The following ARHGEF28 variants were observed in gnomAD, a reference collection of about 807,000 sequenced individuals.
ARHGEF28 encodes Rho guanine nucleotide exchange factor 28.
A neutral mutation model predicts 206.6 loss-of-function variants in ARHGEF28; 152 were observed. The ratio of observed to expected loss-of-function variants is 0.74; its 90% confidence interval spans 0.64 to 0.84. The LOEUF (loss-of-function observed/expected upper bound fraction) is 0.84. ARHGEF28 is among the 40% of genes least tolerant of loss of function. The pLI is 0.00. For missense variants in ARHGEF28, 2,028 were observed against 2,073.2 expected (o/e 0.98, Z 0.42); for synonymous variants, 763 against 776.4 (o/e 0.98, Z 0.29).
chr5:73,885,791 C>G lies in ARHGEF28; in HGVS notation c.3056-59C>G, dbSNP rs1761243525. 3.4e-6 allele frequency: 5 copies of G among 1,484,154 alleles called. No individual in the cohort carries two copies. In the Admixed American group the frequency reaches 1.2e-4, roughly 34 times the overall value. 91.9% of individuals were successfully genotyped at this position (1,484,154 alleles called of 1,614,324 possible). A position where few individuals can be genotyped will look rare whatever the true frequency, so the allele number is the denominator to read the frequency against. ...TAAAACTAAAGAAGAAGTTTTCTTC[C>G]TTAGTACTCTGGTTTATTGTATAGT... On this transcript the variant is annotated intron_variant, in intron 24 of 35. Coordinates refer to ENST00000513042, the MANE Select transcript of ARHGEF28 (RefSeq NM_001177693.2).
intron 9 of ARHGEF28, among the ~76,000 whole-genome samples, chr5:73,810,463 A>G (rs1315313983): frequency 6.6e-6 from 1 of 152,094 alleles, no homozygotes; most frequent in Non-Finnish European, 1.5e-5. Context: ...AGTTTTTTTC[A>G]TCTCTCTCTT....
intron 34 of ARHGEF28, 53 bp downstream of exon 34, chr5:73,909,950 C>G: frequency 2.7e-6 from 4 of 1,464,752 alleles, no homozygotes; most frequent in Admixed American, 2.5e-5. Context: ...AGGGGTGGGC[C>G]TGGGGGCTCC....
intron 28 of ARHGEF28, among the ~76,000 whole-genome samples, chr5:73,893,645 A>T (rs889207446): frequency 2.6e-5 from 4 of 152,232 alleles, no homozygotes; most frequent in Admixed American, 6.5e-5. Flanking sequence ...TCTTGTCCCC[A>T]GTTTGCAAGT....
chr5:73,636,161 T>A (rs1743703227), intron 1 of ARHGEF28, among the ~76,000 whole-genome samples: 1 of 152,302 alleles, frequency 6.6e-6, no homozygotes, highest in South Asian at 2.1e-4. Flanking sequence ...AAAAATGTTT[T>A]AGTGTTAATA....
At chr5:73,759,705 G>A (rs1038692922) in intron 4 of ARHGEF28, among the ~76,000 whole-genome samples, 3 of 152,132 alleles carry the variant, frequency 2.0e-5, no homozygotes, top group Non-Finnish European at 2.9e-5. Flanking sequence ...GTTCACTTAA[G>A]TTTAAAAAGC....
chr5:73,698,721 T>C lies in ARHGEF28; in HGVS notation c.33+13837T>C, dbSNP rs1013835353. ...TTGTGATAAGTGTTGGATAAGAACA[T>C]GCTGAGAATGCTCCTGAAGCCACAG... On this transcript the variant is annotated intron_variant, in intron 2 of 35. Coordinates refer to ENST00000513042, the MANE Select transcript of ARHGEF28 (RefSeq NM_001177693.2). 2.0e-5 allele frequency among the ~76,000 whole-genome samples: 3 copies of C among 152,142 alleles called. No individual in the cohort carries two copies. The East Asian group carries it at 5.8e-4, about 29-fold the overall frequency.
At chr5:73,927,195 TA>T (rs564872560) in intron 35 of ARHGEF28, among the ~76,000 whole-genome samples, 61 of 143,696 alleles carry the variant, frequency 4.2e-4, no homozygotes, top group Admixed American at 4.2e-4. Flanking sequence ...AGCCCATCAC[TA>T]AAAAAAAAAA....
At chr5:73,742,888 T>G (rs1320327879) in intron 2 of ARHGEF28, among the ~76,000 whole-genome samples, 1 of 152,016 alleles carries the variant, frequency 6.6e-6, no homozygotes, top group African/African-American at 2.4e-5. Flanking sequence ...CTAGGTACTT[T>G]AATTTCATCT....
chr5:73,721,769 C>T (rs1317971824), intron 2 of ARHGEF28, among the ~76,000 whole-genome samples: 2 of 152,112 alleles, frequency 1.3e-5, no homozygotes, highest in East Asian at 1.9e-4. Flanking sequence ...GAGAATTGCC[C>T]TAGAGGTTTT....
chr5:73,754,365 A>T (rs1580571142), intron 4 of ARHGEF28, among the ~76,000 whole-genome samples: 1 of 152,122 alleles, frequency 6.6e-6, no homozygotes, highest in Admixed American at 6.6e-5. Context: ...GAGGGAAGTC[A>T]CAAGTCTAGT....
Position 73,783,345 on chromosome 5 carries a change from A to AGTGTGTGTGTGT in ARHGEF28, c.910+2629_910+2640dup, listed in dbSNP as rs57320048. Among the ~76,000 whole-genome samples the AGTGTGTGTGTGT allele has an allele frequency of 2.3e-3, 331 of 145,916 alleles. 1 individual carries two copies. The highest frequency in any genetic ancestry group is 4.0e-3 in the Non-Finnish European group (265 of 66,388). ...AGCTCATTTTGAAGCCCTGGAATAT[A>AGTGTGTGTGTGT]GTGTGTGTGTGTGTGTGTGTGTGTG... On this transcript the variant is annotated intron_variant, in intron 7 of 35. Coordinates refer to ENST00000513042, the MANE Select transcript of ARHGEF28 (RefSeq NM_001177693.2).
chr5:73,669,715 C>T (rs1228502212), intron 1 of ARHGEF28, among the ~76,000 whole-genome samples: 2 of 151,916 alleles, frequency 1.3e-5, no homozygotes, highest in Admixed American at 6.6e-5. Context: ...TATTTAGAGA[C>T]AGAGTCTCAC....
intron 2 of ARHGEF28, among the ~76,000 whole-genome samples, chr5:73,694,595 A>G (rs1748067699): frequency 6.6e-6 from 1 of 152,160 alleles, no homozygotes; most frequent in South Asian, 2.1e-4. Flanking sequence ...TTTTATTTCC[A>G]TATTCCAGAA....
At chr5:73,855,030 G>A (rs530613978) in intron 14 of ARHGEF28, among the ~76,000 whole-genome samples, 43 of 152,132 alleles carry the variant, frequency 2.8e-4, no homozygotes, top group African/African-American at 9.6e-4. Flanking sequence ...TGATGCTATC[G>A]GTCATCAAAC....
At chr5:73,823,440 C>T (rs1756712861) in intron 9 of ARHGEF28, among the ~76,000 whole-genome samples, 1 of 152,138 alleles carries the variant, frequency 6.6e-6, no homozygotes, top group Admixed American at 6.5e-5. Flanking sequence ...CTAGAAATTA[C>T]AGATAGTAAA....
intron 7 of ARHGEF28, among the ~76,000 whole-genome samples, chr5:73,782,226 G>A (rs559761679): frequency 2.2e-4 from 33 of 152,004 alleles, no homozygotes; most frequent in South Asian, 6.2e-4. Flanking sequence ...ATCACCTGAG[G>A]TCGGGGGTTC....
At chr5:73,644,615 G>T (rs1446796224) in intron 1 of ARHGEF28, among the ~76,000 whole-genome samples, 1 of 152,188 alleles carries the variant, frequency 6.6e-6, no homozygotes, top group Non-Finnish European at 1.5e-5. Context: ...TCTCCCAGGA[G>T]CTCCTTGAAC....
At chr5:73,894,928 C>A (rs55644534) in intron 29 of ARHGEF28, among the ~76,000 whole-genome samples, 3,646 of 151,492 alleles carry the variant, frequency 0.024, 58 homozygotes, top group South Asian at 0.052. Flanking sequence ...GTCTTCCAGG[C>A]GTAGGGAATG....
At chr5:73,809,363 C>G (rs1755703768) in intron 9 of ARHGEF28, among the ~76,000 whole-genome samples, 1 of 152,092 alleles carries the variant, frequency 6.6e-6, no homozygotes, top group Non-Finnish European at 1.5e-5. Context: ...TCACAATAAC[C>G]CTTTAAAGTA....
Sources: allele counts gnomAD v4.1 joint callset (sites outside exome capture counted in the v4.1 genomes callset), GRCh38; gene constraint gnomAD v4.1.1; transcripts MANE v1.5; gene names NCBI Gene and HGNC (gene_info 2026-07-23, HGNC 2026-07-21).